DNAJC6: variants seen among roughly 807,000 people sequenced by gnomAD.
The protein encoded by DNAJC6 is DnaJ heat shock protein family (Hsp40) member C6, also known as auxilin.
A neutral mutation model predicts 110.0 loss-of-function variants in DNAJC6; 34 were observed. The observed-to-expected ratio is 0.31, with a 90% CI of 0.24 to 0.41. The LOEUF (loss-of-function observed/expected upper bound fraction) is 0.41, where lower values mean the gene tolerates loss of function less well. Among genes scored for constraint, DNAJC6 ranks in the 10% least tolerant of loss-of-function variants. The pLI, the probability that DNAJC6 is intolerant of heterozygous loss-of-function variation, is 1.00. For missense variants in DNAJC6, 1,031 were observed against 1,207.8 expected (o/e 0.85, Z 2.17); for synonymous variants, 406 against 437.2 (o/e 0.93, Z 0.89).
At chr1:65,406,888 C>T (rs920563416) in intron 16 of DNAJC6, among the ~76,000 whole-genome samples, 2 of 152,184 alleles carry the variant, frequency 1.3e-5, no homozygotes, top group African/African-American at 2.4e-5. Flanking sequence ...GCCTTTCTCT[C>T]TATGGAACAT....
chr1:65,269,446 G>C (rs906459032), intron 1 of DNAJC6, among the ~76,000 whole-genome samples: 5 of 151,956 alleles, frequency 3.3e-5, no homozygotes, highest in African/African-American at 1.2e-4. Flanking sequence ...AATCTAATTG[G>C]GTTTGAGCAG....
At chr1:65,313,716 G>A (rs543906707) in intron 1 of DNAJC6, among the ~76,000 whole-genome samples, 1 of 152,338 alleles carries the variant, frequency 6.6e-6, no homozygotes, top group East Asian at 1.9e-4. Context: ...TCAGAGGAAT[G>A]TAATGGCTTT....
At chr1:65,277,904 A>G (rs1412738959) in intron 1 of DNAJC6, among the ~76,000 whole-genome samples, 1 of 152,240 alleles carries the variant, frequency 6.6e-6, no homozygotes, top group Non-Finnish European at 1.5e-5. Flanking sequence ...CCAAGTAAGC[A>G]CACAGATAAG....
At chr1:65,388,532 T>A (rs2101605906) in intron 9 of DNAJC6, 117 bp downstream of exon 9, 24 of 899,260 alleles carry the variant, frequency 2.7e-5, no homozygotes, top group Non-Finnish European at 4.2e-5. Context: ...CTACTGAGTG[T>A]CACTCAGTAG....
rs532456172 is a variant in DNAJC6, at chr1:65,321,224, T to A, written c.193+11286T>A. ...ATTTATTTATTTATTTGAGACAGGGTCTTGCTCTGTTGCCCAAGCTGGCTG... is the reference window on the plus strand; with the variant it reads ...ATTTATTTATTTATTTGAGACAGGGACTTGCTCTGTTGCCCAAGCTGGCTG... On this transcript the variant is annotated intron_variant, in intron 1 of 18. Transcript: ENST00000371069. 2.0e-5 allele frequency among the ~76,000 whole-genome samples: 3 copies of A among 152,290 alleles called. No individual in the cohort carries two copies. In the East Asian group the frequency reaches 5.8e-4, roughly 29 times the overall value.
intron 1 of DNAJC6, among the ~76,000 whole-genome samples, chr1:65,292,002 T>C (rs900798674): frequency 6.6e-6 from 1 of 152,122 alleles, no homozygotes; most frequent in Admixed American, 6.5e-5. Context: ...TCTTTACAAA[T>C]GTTTTTATTT....
chr1:65,410,887 G>A (rs1241182473), intron 17 of DNAJC6, among the ~76,000 whole-genome samples: 1 of 152,238 alleles, frequency 6.6e-6, no homozygotes, highest in African/African-American at 2.4e-5. Context: ...TTAAGGTAGA[G>A]TGGCCCAGAG....
chr1:65,401,606 AGGTCAGG>A (rs1646030517), intron 14 of DNAJC6, among the ~76,000 whole-genome samples, 148 bp from the exon 15 acceptor site: 1 of 152,228 alleles, frequency 6.6e-6, no homozygotes, highest in African/African-American at 2.4e-5. Context: ...CCATTCACCC[AGGTCAGG>A]GAAACAGGGT....
chr1:65,296,586 CT>C (rs11393548), intron 1 of DNAJC6, among the ~76,000 whole-genome samples: 131 of 123,506 alleles, frequency 1.1e-3, no homozygotes, highest in African/African-American at 3.1e-3. Context: ...TTCGACACAT[CT>C]TTTTTTTTTT....
intron 1 of DNAJC6, among the ~76,000 whole-genome samples, chr1:65,275,455 T>C (rs1394595055): frequency 6.6e-6 from 1 of 152,246 alleles, no homozygotes; most frequent in Non-Finnish European, 1.5e-5. Context: ...CAGTCAGTCT[T>C]ATGTTGTTAT....
intron 1 of DNAJC6, among the ~76,000 whole-genome samples, chr1:65,289,916 T>A (rs2101222581): frequency 6.6e-6 from 1 of 150,464 alleles, no homozygotes; most frequent in East Asian, 2.0e-4. Flanking sequence ...TTCAAGCAAA[T>A]CTCCTGCCTC....
intron 1 of DNAJC6, among the ~76,000 whole-genome samples, chr1:65,332,186 A>G (rs1268565524): frequency 6.6e-6 from 1 of 152,132 alleles, no homozygotes; most frequent in African/African-American, 2.4e-5. Context: ...ACGAATACAA[A>G]TGTTAACGTG....
intron 1 of DNAJC6, among the ~76,000 whole-genome samples, chr1:65,286,597 A>G (rs748461328): frequency 3.9e-5 from 6 of 152,156 alleles, no homozygotes; most frequent in Admixed American, 6.6e-5. Flanking sequence ...ATCACTTTTT[A>G]GGGTTGAAAA....
At chr1:65,337,545 T>A (rs1180875209) in intron 1 of DNAJC6, among the ~76,000 whole-genome samples, 1 of 152,166 alleles carries the variant, frequency 6.6e-6, no homozygotes, top group Non-Finnish European at 1.5e-5. Context: ...AAACACACAT[T>A]CATGTTTCAG....
At chr1:65,393,855 C>T (rs1370508462) in intron 12 of DNAJC6, among the ~76,000 whole-genome samples, 1 of 152,090 alleles carries the variant, frequency 6.6e-6, no homozygotes, top group East Asian at 1.9e-4. Context: ...AGGCTCTGGG[C>T]TGGTCTTGAC....
chr1:65,401,999 ATTC>A (rs1646034561), intron 15 of DNAJC6, 119 bp downstream of exon 15: 1 of 1,355,902 alleles, frequency 7.4e-7, no homozygotes, highest in African/African-American at 1.5e-5. Context: ...AATAGTGTGT[ATTC>A]TTAAGCTATC....
chr1:65,291,947 T>G (rs1329820623), intron 1 of DNAJC6, among the ~76,000 whole-genome samples: 1 of 152,164 alleles, frequency 6.6e-6, no homozygotes, highest in East Asian at 1.9e-4. Flanking sequence ...GTCACTTTTT[T>G]CCCACCTTCA....
intron 1 of DNAJC6, among the ~76,000 whole-genome samples, chr1:65,325,829 C>T (rs934077831): frequency 3.3e-5 from 5 of 152,196 alleles, no homozygotes; most frequent in African/African-American, 1.2e-4. Context: ...AGGCTATAGC[C>T]TATTGCTCCC....
rs376303809 is a variant in DNAJC6 at position 65,347,830 on chromosome 1, G to A, written c.194-16805G>A. ...TTCCAAAATCTCAGGATTCCTTGTTGCATATATTGGTTGACTCCCTCCCTT... is the reference window on the plus strand; with the variant it reads ...TTCCAAAATCTCAGGATTCCTTGTTACATATATTGGTTGACTCCCTCCCTT... On this transcript the variant is annotated intron_variant, in intron 1 of 18. Coordinates refer to ENST00000371069, the MANE Select transcript of DNAJC6 (RefSeq NM_001256864.2). Among the ~76,000 whole-genome samples the A allele has an allele frequency of 2.7e-4, 41 of 152,198 alleles. 2 individuals carry two copies. In the East Asian group the frequency reaches 3.3e-3, roughly 12 times the overall value.
Sources: allele counts gnomAD v4.1 joint callset (sites outside exome capture counted in the v4.1 genomes callset), GRCh38; gene constraint gnomAD v4.1.1; transcripts MANE v1.5; gene names NCBI Gene and HGNC (gene_info 2026-07-23, HGNC 2026-07-21).